CLCN1: variants seen among roughly 807,000 people sequenced by gnomAD.
CLCN1 encodes the protein chloride channel protein 1.
A neutral mutation model predicts 114.5 loss-of-function variants in CLCN1; 100 were observed. The observed-to-expected ratio is 0.87, with a 90% CI of 0.74 to 1.03. The LOEUF (loss-of-function observed/expected upper bound fraction) is 1.03. Among genes scored for constraint, CLCN1 ranks in the 50% least tolerant of loss-of-function variants. The pLI is 0.00. For synonymous variants in CLCN1, 485 were observed against 487.1 expected (o/e 1.00, Z 0.06); for missense variants, 1,188 against 1,250.0 (o/e 0.95, Z 0.75).
At position 143,321,457 on chromosome 7, in the gene CLCN1, G is replaced by T. The variant is rs774277408; in HGVS notation, c.526G>T (p.Ala176Ser). The T allele has an allele frequency of 2.5e-6, 4 of 1,613,956 alleles. No homozygotes were observed. The highest frequency in any genetic ancestry group is 3.4e-6 in the Non-Finnish European group (4 of 1,180,026). Residue 176 changes from alanine to serine, a missense_variant, in exon 4 of 23, where the codon GCC becomes TCC. Transcript: ENST00000343257. The surrounding 1 kb of genome is among the most constrained non-coding windows in gnomAD (Gnocchi z 4.2). ...CCCACTAGTCCTCATCCTCTTCAGC[G>T]CCCTCTTCTGCCACCTCATCTCTCC... The part of the protein sequence containing the change: ...TFPLVLILFS[A>S]LFCHLISPQA...
rs762661865 is a variant in CLCN1, at chr7:143,339,544, T to C, written c.1505T>C (p.Met502Thr). 4 of 1,614,046 alleles carry C rather than the reference T, an allele frequency of 2.5e-6. No individual in the cohort carries two copies. The East Asian group carries it at 6.7e-5, about 27-fold the overall frequency. Residue 502 changes from methionine to threonine, a missense_variant, in exon 14 of 23, where the codon ATG (methionine) becomes ACG (threonine). Physicochemically the swap from Met to Thr is moderately conservative, Grantham distance 81 (BLOSUM62 -1). Transcript: ENST00000343257. The surrounding 1 kb of genome is among the most constrained non-coding windows in gnomAD (Gnocchi z 4.1). ...AAFGRLVGEI[M>T]AMLFPDGILF... The stretch of plus-strand genomic sequence containing the variant: ...TTTGGAAGGCTGGTAGGAGAAATCA[T>C]GGCCATGCTCTTTCCTGATGGTATT...
chr7:143,327,975 G>A (rs1477423834), intron 7 of CLCN1, among the ~76,000 whole-genome samples: 1 of 152,176 alleles, frequency 6.6e-6, no homozygotes, highest in Non-Finnish European at 1.5e-5. Flanking sequence ...AATTTTGTGT[G>A]GGGTAAAAGA....
In CLCN1 at chr7:143,321,261, C is replaced by A; in HGVS notation, c.434-104C>A. ...GAGCAGCACCATCTCAGAAGGGGCA[C>A]ACAGAAGGAGCACGGCCTGAGAACA... On this transcript the variant is annotated intron_variant, in intron 3 of 22. Transcript: ENST00000343257. This position sits in a 1 kb window ranked among gnomAD's most constrained non-coding sequence, Gnocchi z 4.2. 7.2e-7 allele frequency: 1 copy of A among 1,394,732 alleles called. No individual in the cohort carries two copies. The highest frequency in any genetic ancestry group is 1.4e-5 in the African/African-American group (1 of 70,480). 86.4% of individuals were successfully genotyped at this position (1,394,732 alleles called of 1,614,324 possible).
intron 6 of CLCN1, 90 bp downstream of exon 6, chr7:143,323,476 T>C: frequency 1.1e-6 from 1 of 909,428 alleles, no homozygotes; most frequent in Non-Finnish European, 1.9e-6. Flanking sequence ...GCCTCTGCTC[T>C]GGGCTGGCTG....
Position 143,345,321 on chromosome 7 carries a change from T to C in CLCN1, c.1931-200T>C, listed in dbSNP as rs114008688. Among the ~76,000 whole-genome samples, 570 of 152,316 alleles carry C rather than the reference T, an allele frequency of 3.7e-3. 5 individuals are homozygous for C. The highest frequency in any genetic ancestry group is 0.013 in the African/African-American group (556 of 41,572). On this transcript the variant is annotated intron_variant, in intron 16 of 22. Coordinates refer to ENST00000343257, the MANE Select transcript of CLCN1 (RefSeq NM_000083.3). ...ATTAGTGCTCTACCAATTGGCCCCGTACCTGCTAAATGGATGAAATAAAAG... is the reference window on the plus strand; with the variant it reads ...ATTAGTGCTCTACCAATTGGCCCCGCACCTGCTAAATGGATGAAATAAAAG...
rs202231290 is a variant in CLCN1 at position 143,342,454 on chromosome 7, A to C, written c.1879A>C (p.Thr627Pro). 4 of 1,614,090 alleles carry C rather than the reference A, an allele frequency of 2.5e-6. No individual in the cohort carries two copies. The East Asian group carries it at 6.7e-5, about 27-fold the overall frequency. Reference protein sequence around the residue: ...SASYTYGELRTLLQTTTVKTL... With the variant: ...SASYTYGELRPLLQTTTVKTL... ...TTCTTACACATATGGGGAGTTGCGA[A>C]CCCTGCTCCAGACCACCACAGTCAA... The change falls in exon 16 of 23, where the codon ACC becomes CCC. Residue 627 changes from threonine (T) to proline (P), a missense_variant. Coordinates refer to ENST00000343257, the MANE Select transcript of CLCN1 (RefSeq NM_000083.3).
chr7:143,336,483 G>A (rs915083402), intron 12 of CLCN1, among the ~76,000 whole-genome samples: 3 of 151,800 alleles, frequency 2.0e-5, no homozygotes, highest in African/African-American at 4.8e-5. Context: ...GGTGGCAGGC[G>A]CCTGTAATCC....
intron 16 of CLCN1, among the ~76,000 whole-genome samples, chr7:143,342,922 A>C (rs989114007): frequency 9.9e-5 from 15 of 151,242 alleles, no homozygotes; most frequent in South Asian, 4.2e-4. Flanking sequence ...AACAAGAATG[A>C]AACTCTGTTA....
At position 143,339,505 on chromosome 7, in the gene CLCN1, C is replaced by T. The variant is rs1380393304; in HGVS notation, c.1472-6C>T. 30 of 1,606,824 alleles carry T rather than the reference C, an allele frequency of 1.9e-5. No individual in the cohort carries two copies. Among genetic ancestry groups the T allele is most frequent in the Non-Finnish European group, 2.3e-5 (27 of 1,173,400 alleles). ...AACACCTTCCTTCCTTTTATCTTCC[C>T]TCTAGGAGCTGCATTTGGAAGGCTG... On this transcript the variant is annotated splice_region_variant and splice_polypyrimidine_tract_variant and intron_variant, in intron 13 of 22. Coordinates refer to ENST00000343257, the MANE Select transcript of CLCN1 (RefSeq NM_000083.3). The surrounding 1 kb of genome is among the most constrained non-coding windows in gnomAD (Gnocchi z 4.1).
chr7:143,342,580 A>C, intron 16 of CLCN1, 75 bp downstream of exon 16: 1 of 1,509,300 alleles, frequency 6.6e-7, no homozygotes, highest in Non-Finnish European at 9.2e-7. Flanking sequence ...AGGAGGCCCC[A>C]TGGTGGGGGC....
In CLCN1 at chr7:143,324,220, A is replaced by G. The variant is rs540617421; in HGVS notation, c.775-194A>G. On this transcript the variant is annotated intron_variant, in intron 6 of 22. Coordinates refer to ENST00000343257, the MANE Select transcript of CLCN1 (RefSeq NM_000083.3). This position sits in a 1 kb window ranked among gnomAD's most constrained non-coding sequence, Gnocchi z 4.6. ...TTCTATTTCATTTTGACACTGTGCT[A>G]TGAGGTTAATTCCTTTTTGCCAAAC... is the stretch of plus-strand genomic sequence containing the variant. Among the ~76,000 whole-genome samples the G allele has an allele frequency of 5.3e-5, 8 of 152,224 alleles. No individual in the cohort carries two copies. In the South Asian group the frequency reaches 1.7e-3, roughly 32 times the overall value.
chr7:143,349,661 G>A lies in CLCN1; in HGVS notation c.2404-711G>A, dbSNP rs562392586. On this transcript the variant is annotated intron_variant, in intron 20 of 22. Transcript: ENST00000343257. The stretch of plus-strand genomic sequence containing the variant: ...AACTGGCTTTGCTCAAGTCAGCTAA[G>A]TGCCATGAGGTCCAGTATAGCTCTT... Among the ~76,000 whole-genome samples, 3 of 152,336 alleles carry A rather than the reference G, an allele frequency of 2.0e-5. No homozygotes were observed. The East Asian group carries it at 5.8e-4, about 29-fold the overall frequency.
At chr7:143,346,850 G>C in intron 19 of CLCN1, 61 bp from the exon 20 acceptor site, 4 of 1,490,412 alleles carry the variant, frequency 2.7e-6, no homozygotes, top group Non-Finnish European at 3.7e-6. Flanking sequence ...GTTTCATTGG[G>C]AGCCATAGCT....
Position 143,345,823 on chromosome 7 carries a change from T to TCTGGG in CLCN1, c.2172+82_2172+86dup, listed in dbSNP as rs368460599. The TCTGGG allele has an allele frequency of 2.6e-4, 408 of 1,566,058 alleles. 2 individuals carry two copies. In the African/African-American group the frequency reaches 3.2e-3, roughly 12 times the overall value. The stretch of plus-strand genomic sequence containing the variant: ...ATCAGGAGCAAAGGGAAAAGCGTCG[T>TCTGGG]CTGGGCTGGGCTGGGCTGGGCTGGG... On this transcript the variant is annotated intron_variant, in intron 17 of 22. Transcript: ENST00000343257.
At chr7:143,337,562 A>G (rs1267302654) in intron 12 of CLCN1, among the ~76,000 whole-genome samples, 1 of 152,134 alleles carries the variant, frequency 6.6e-6, no homozygotes, top group East Asian at 1.9e-4. Flanking sequence ...TCGTTAGCTT[A>G]CAGTGCAATT....
intron 7 of CLCN1, among the ~76,000 whole-genome samples, chr7:143,328,618 C>CTGGT (rs1802639277): frequency 6.6e-6 from 1 of 152,164 alleles, no homozygotes; most frequent in Non-Finnish European, 1.5e-5. Flanking sequence ...GGATAGTTTA[C>CTGGT]ACCCAGGCAA....
rs2116838137 is a variant in CLCN1, at chr7:143,321,629, C to T, written c.563-86C>T. The T allele has an allele frequency of 1.2e-6, 2 of 1,607,470 alleles. No homozygotes were observed. The highest frequency in any genetic ancestry group is 1.7e-6 in the Non-Finnish European group (2 of 1,174,212). ...TCCCCACCACTGCCTCTTCAGCCCT[C>T]TCCAATTCCCATTCCCATATTCTGG... is the stretch of plus-strand genomic sequence containing the variant. On this transcript the variant is annotated intron_variant, in intron 4 of 22. Transcript: ENST00000343257. This position sits in a 1 kb window ranked among gnomAD's most constrained non-coding sequence, Gnocchi z 4.2.
At position 143,319,893 on chromosome 7, in the gene CLCN1, A is replaced by G. The variant is rs1165662053; in HGVS notation, c.301+18A>G. 2 of 1,613,348 alleles carry G rather than the reference A, an allele frequency of 1.2e-6. No individual in the cohort carries two copies. Among genetic ancestry groups the G allele is most frequent in the Non-Finnish European group, 1.7e-6 (2 of 1,179,464 alleles). On this transcript the variant is annotated intron_variant, in intron 2 of 22. Transcript: ENST00000343257. ...ATGTCAAGGTGATGGGGACTGAGGA[A>G]TAAAGAAATCTGGAGTAGAAACAGG... is the stretch of plus-strand genomic sequence containing the variant.
Position 143,319,838 on chromosome 7 carries a change from G to C in CLCN1, c.264G>C (p.Val88=). The change falls in exon 2 of 23, where the codon GTG becomes GTC. Residue 88 remains valine (V), a synonymous_variant. Coordinates refer to ENST00000343257, the MANE Select transcript of CLCN1 (RefSeq NM_000083.3). ...MPKKTGSSST[V]DSKDEDHYSK... ...AGAAGACAGGCTCCAGTTCTACCGTGGACAGCAAGGATGAGGATCACTATT... is the reference window on the plus strand; with the variant it reads ...AGAAGACAGGCTCCAGTTCTACCGTCGACAGCAAGGATGAGGATCACTATT... 3 of 1,613,852 alleles carry C rather than the reference G, an allele frequency of 1.9e-6. No individual in the cohort carries two copies. The highest frequency in any genetic ancestry group is 2.5e-6 in the Non-Finnish European group (3 of 1,179,766).
Sources: allele counts gnomAD v4.1 joint callset (sites outside exome capture counted in the v4.1 genomes callset), GRCh38; gene constraint gnomAD v4.1.1; non-coding constraint Gnocchi (gnomAD v3.1); transcripts MANE v1.5; gene names NCBI Gene and HGNC (gene_info 2026-07-23, HGNC 2026-07-21).